NRG3: variants seen among roughly 807,000 people sequenced by gnomAD.
NRG3 encodes neuregulin 3.
In NRG3, 31 loss-of-function variants were observed where a neutral mutation model predicts 66.9. The observed-to-expected ratio is 0.46, with a 90% CI of 0.35 to 0.63. The LOEUF (loss-of-function observed/expected upper bound fraction) is 0.63, where lower values mean the gene tolerates loss of function less well. Ranked by LOEUF, NRG3 falls within the 20% of genes least tolerant of loss-of-function variation. The pLI is 0.00. For synonymous variants in NRG3, 393 were observed against 359.4 expected, an observed-to-expected ratio of 1.09 and a Z score of -1.06; for missense variants, 910 against 878.9, an observed-to-expected ratio of 1.04 and a Z score of -0.45.
At chr10:82,461,283 T>C (rs1394816733) in intron 2 of NRG3, among the ~76,000 whole-genome samples, 1 of 150,798 alleles carries the variant, frequency 6.6e-6, no homozygotes, top group Non-Finnish European at 1.5e-5. Context: ...ACAAATACCA[T>C]TGTGACAACT....
intron 1 of NRG3, among the ~76,000 whole-genome samples, chr10:82,179,269 A>C (rs534989318): frequency 1.3e-5 from 2 of 151,800 alleles, no homozygotes; most frequent in African/African-American, 4.8e-5. Flanking sequence ...TCACTTATCT[A>C]TTTTTTCTTT....
At chr10:81,877,986 T>A (rs909559373) in intron 1 of NRG3, 1 of 1,537,470 alleles carries the variant, frequency 6.5e-7, no homozygotes, top group African/African-American at 1.4e-5. Flanking sequence ...CCTCCAACCC[T>A]TGTATGCGTT....
intron 1 of NRG3, among the ~76,000 whole-genome samples, chr10:82,233,719 A>G (rs568409186): frequency 1.3e-5 from 2 of 152,256 alleles, no homozygotes; most frequent in African/African-American, 4.8e-5. Context: ...CTTTCAAGAT[A>G]AATGGCACCA....
At chr10:82,244,207 G>A (rs2134023303) in intron 1 of NRG3, among the ~76,000 whole-genome samples, 1 of 152,276 alleles carries the variant, frequency 6.6e-6, no homozygotes, top group Non-Finnish European at 1.5e-5. Flanking sequence ...CATTCGTGCT[G>A]TTCAACTGGC....
In NRG3 at chr10:82,684,374, A is replaced by G. The variant is rs542458702; in HGVS notation, c.954-54203A>G. Among the ~76,000 whole-genome samples, 5 of 152,280 alleles carry G rather than the reference A, an allele frequency of 3.3e-5. No homozygotes were observed. The South Asian group carries it at 1.0e-3, about 32-fold the overall frequency. On this transcript the variant is annotated intron_variant, in intron 2 of 8. Transcript: ENST00000372141. The stretch of plus-strand genomic sequence containing the variant: ...ATACATTTTTTCCTAGTTTTTGAAA[A>G]ATATTTTAAATTGAACCCAAAGGCA...
intron 1 of NRG3, among the ~76,000 whole-genome samples, chr10:82,187,817 T>C (rs1327987125): frequency 6.6e-6 from 1 of 152,162 alleles, no homozygotes; most frequent in Admixed American, 6.6e-5. Context: ...TGAATGTACA[T>C]TTTCAGAATT....
chr10:82,419,742 A>G (rs540514671), intron 2 of NRG3, among the ~76,000 whole-genome samples: 10 of 152,344 alleles, frequency 6.6e-5, no homozygotes, highest in Non-Finnish European at 1.2e-4. Flanking sequence ...AACAGAAAAC[A>G]GTCATGTGGT....
chr10:82,020,130 T>C (rs1009435424), intron 1 of NRG3, among the ~76,000 whole-genome samples: 4 of 152,148 alleles, frequency 2.6e-5, no homozygotes, highest in African/African-American at 9.7e-5. Context: ...ATAGCACAAA[T>C]GTGTCATTTT....
intron 1 of NRG3, among the ~76,000 whole-genome samples, chr10:82,262,600 A>G (rs755102729): frequency 7.9e-5 from 12 of 152,182 alleles, no homozygotes; most frequent in Non-Finnish European, 1.6e-4. Flanking sequence ...CCTTCAAACA[A>G]TGTGTTAGGT....
rs1267291267 is a variant in NRG3, at chr10:81,926,470, A to G, written c.823+50307A>G. On this transcript the variant is annotated intron_variant, in intron 1 of 8. Transcript: ENST00000372141. The stretch of plus-strand genomic sequence containing the variant: ...ATATCCGGTTAAGCTAGAGAGTGAT[A>G]TAGAGAATTTACCCACATAACTGAA... Among the ~76,000 whole-genome samples the G allele has an allele frequency of 2.0e-5, 3 of 152,174 alleles. No individual in the cohort carries two copies. In the East Asian group the frequency reaches 5.8e-4, roughly 29 times the overall value.
At chr10:82,324,743 T>A (rs1157460096) in intron 1 of NRG3, among the ~76,000 whole-genome samples, 1 of 152,228 alleles carries the variant, frequency 6.6e-6, no homozygotes, top group Non-Finnish European at 1.5e-5. Context: ...TATTGATCTC[T>A]AACTTAATTC....
At chr10:82,191,014 G>A (rs755212300) in intron 1 of NRG3, among the ~76,000 whole-genome samples, 3 of 152,046 alleles carry the variant, frequency 2.0e-5, no homozygotes, top group African/African-American at 4.8e-5. Context: ...CCCTGACGTG[G>A]CACTATTCAG....
At chr10:82,339,897 C>G (rs1265626974) in intron 1 of NRG3, among the ~76,000 whole-genome samples, 1 of 151,972 alleles carries the variant, frequency 6.6e-6, no homozygotes, top group Non-Finnish European at 1.5e-5. Context: ...AATATGCCAT[C>G]TAGGGTGGGG....
At chr10:82,784,334 C>G (rs1459312494) in intron 3 of NRG3, among the ~76,000 whole-genome samples, 1 of 150,694 alleles carries the variant, frequency 6.6e-6, no homozygotes, top group African/African-American at 2.4e-5. Context: ...AAAGCAATGG[C>G]AACAAAAGCC....
chr10:82,197,133 G>A (rs1222234002), intron 1 of NRG3, among the ~76,000 whole-genome samples: 1 of 152,160 alleles, frequency 6.6e-6, no homozygotes, highest in Non-Finnish European at 1.5e-5. Flanking sequence ...CAAGATGAGA[G>A]CAACCAACTG....
At chr10:82,416,784 A>G (rs1356496956) in intron 2 of NRG3, among the ~76,000 whole-genome samples, 1 of 152,142 alleles carries the variant, frequency 6.6e-6, no homozygotes, top group African/African-American at 2.4e-5. Context: ...CTGCTGTGCA[A>G]AGGTGATGTG....
intron 1 of NRG3, among the ~76,000 whole-genome samples, chr10:82,138,239 C>A (rs2069508293): frequency 6.6e-6 from 1 of 152,018 alleles, no homozygotes; most frequent in African/African-American, 2.4e-5. Context: ...CCCTCTGCAC[C>A]AGACTTATTT....
chr10:82,710,051 T>A (rs1332994830), intron 2 of NRG3, among the ~76,000 whole-genome samples: 5 of 152,232 alleles, frequency 3.3e-5, no homozygotes, highest in African/African-American at 1.2e-4. Context: ...GAACAACCTA[T>A]ATTTATTTAC....
intron 2 of NRG3, among the ~76,000 whole-genome samples, chr10:82,719,451 T>C (rs748722692): frequency 6.6e-6 from 1 of 152,232 alleles, no homozygotes; most frequent in Non-Finnish European, 1.5e-5. Flanking sequence ...CTTAGATCCA[T>C]GTCCTGGCCC....
Sources: allele counts gnomAD v4.1 joint callset (sites outside exome capture counted in the v4.1 genomes callset), GRCh38; gene constraint gnomAD v4.1.1; transcripts MANE v1.5; gene names NCBI Gene and HGNC (gene_info 2026-07-23, HGNC 2026-07-21).